IL17RD: variants seen among roughly 807,000 people sequenced by gnomAD.
IL17RD encodes the protein interleukin 17 receptor D, also known as interleukin-17 receptor D.
In IL17RD, 52 loss-of-function variants were observed where a neutral mutation model predicts 80.5. The observed-to-expected ratio is 0.65, with a 90% CI of 0.52 to 0.81. The LOEUF (loss-of-function observed/expected upper bound fraction) is 0.81, where lower values mean the gene tolerates loss of function less well. IL17RD is among the 40% of genes least tolerant of loss of function. IL17RD has a pLI of 0.00. For synonymous variants in IL17RD, 416 were observed against 391.8 expected (o/e 1.06, Z -0.73); for missense variants, 1,024 against 955.1 (o/e 1.07, Z -0.95).
chr3:57,096,736 G>A (rs934095462), intron 12 of IL17RD, among the ~76,000 whole-genome samples: 6 of 152,134 alleles, frequency 3.9e-5, no homozygotes, highest in Non-Finnish European at 8.8e-5. Flanking sequence ...TAGGCCGGGC[G>A]CAGTGGCTCA....
intron 11 of IL17RD, among the ~76,000 whole-genome samples, chr3:57,100,596 G>T (rs1706804428): frequency 6.6e-6 from 1 of 152,156 alleles, no homozygotes; most frequent in Non-Finnish European, 1.5e-5. Context: ...TCTCTGGCCA[G>T]TGCCGTCTCC....
In IL17RD at chr3:57,095,431, T is replaced by C. The variant is rs1444612111; in HGVS notation, c.*962A>G. On this transcript the variant is annotated 3_prime_UTR_variant, in exon 13 of 13. Coordinates refer to ENST00000296318, the MANE Select transcript of IL17RD (RefSeq NM_017563.5). ...ACCAGTTCAGCAGATTAACTGGCCATCACCTCCACACACTGCTGTATTTCA... is the reference window on the plus strand; with the variant it reads ...ACCAGTTCAGCAGATTAACTGGCCACCACCTCCACACACTGCTGTATTTCA... The C allele has an allele frequency of 6.6e-6, 1 of 152,232 alleles. No individual in the cohort carries two copies. The highest frequency in any genetic ancestry group is 2.4e-5 in the African/African-American group (1 of 41,452). The allele number at this position is 152,232 out of a possible 1,614,324, so 9.4% of individuals were successfully genotyped here.
Position 57,112,847 on chromosome 3 carries a change from C to T in IL17RD, c.310+1845G>A, listed in dbSNP as rs529560461. Among the ~76,000 whole-genome samples the T allele has an allele frequency of 7.2e-5, 11 of 152,326 alleles. No individual in the cohort carries two copies. In the South Asian group the frequency reaches 2.3e-3, roughly 32 times the overall value. ...TACTTCTCCCTTGGCCAGGTTTTCA[C>T]AAACTTGTAACATCAGGTGGCAGTG... On this transcript the variant is annotated intron_variant, in intron 3 of 12. Coordinates refer to ENST00000296318, the MANE Select transcript of IL17RD (RefSeq NM_017563.5).
chr3:57,118,442 A>C (rs1707264130), intron 2 of IL17RD, among the ~76,000 whole-genome samples: 2 of 152,228 alleles, frequency 1.3e-5, no homozygotes, highest in Admixed American at 6.5e-5. Context: ...CCTCAATGCA[A>C]CCTAAGCCCT....
intron 7 of IL17RD, among the ~76,000 whole-genome samples, chr3:57,105,262 G>A (rs994225125): frequency 6.6e-6 from 1 of 152,068 alleles, no homozygotes; most frequent in African/African-American, 2.4e-5. Context: ...GACAGGCCAG[G>A]TGTGGTGGCT....
At chr3:57,127,828 T>C (rs1707527440) in intron 1 of IL17RD, among the ~76,000 whole-genome samples, 2 of 152,138 alleles carry the variant, frequency 1.3e-5, no homozygotes, top group African/African-American at 2.4e-5. Context: ...CCAATGGACA[T>C]GAGAAGGGTG....
chr3:57,167,964 G>A (rs2060355102), upstream of IL17RD, among the ~76,000 whole-genome samples: 2 of 152,218 alleles, frequency 1.3e-5, no homozygotes. Flanking sequence ...CCGAGTAGCT[G>A]GGATTACAGG....
intron 1 of IL17RD, among the ~76,000 whole-genome samples, chr3:57,147,775 C>T (rs1707962546): frequency 6.8e-6 from 1 of 147,166 alleles, no homozygotes; most frequent in South Asian, 2.1e-4. Flanking sequence ...GGAAAACAAA[C>T]ATAAGTAAAA....
rs953877050 is a variant in IL17RD, at chr3:57,114,552, A to G, written c.310+140T>C. 2.3e-5 allele frequency: 16 copies of G among 692,544 alleles called. 1 individual carries two copies. The highest frequency in any genetic ancestry group is 3.4e-5 in the Non-Finnish European group (15 of 446,012). The allele number at this position is 692,544 out of a possible 1,614,324, so 42.9% of individuals were successfully genotyped here. On this transcript the variant is annotated intron_variant, in intron 3 of 12. Coordinates refer to ENST00000296318, the MANE Select transcript of IL17RD (RefSeq NM_017563.5). ...TGTACGCCCAGCAAATATATGCAACAAAGTGTATCTGTGCCCAATCCAACA... is the reference window on the plus strand; with the variant it reads ...TGTACGCCCAGCAAATATATGCAACGAAGTGTATCTGTGCCCAATCCAACA...
In IL17RD at chr3:57,105,552, A is replaced by AAAT; in HGVS notation, c.747+304_747+305insATT. Among the ~76,000 whole-genome samples, 258 of 63,570 alleles carry AAAT rather than the reference A, an allele frequency of 4.1e-3. 9 individuals are homozygous for AAAT. Among genetic ancestry groups the AAAT allele is most frequent in the South Asian group, 0.015 (24 of 1,626 alleles). The allele number at this position is 63,570 out of a possible 152,430, so 41.7% of individuals were successfully genotyped here. A position where few individuals can be genotyped will look rare whatever the true frequency, so the allele number is the denominator to read the frequency against. Reference sequence around the variant, plus strand: ...ACTCCATCTCAAAAAAAAAAAAAAAAATATATATATATATATATTTGTTCA... The same window carrying AAAT: ...ACTCCATCTCAAAAAAAAAAAAAAAAAATATATATATATATATATATTTGTTCA... On this transcript the variant is annotated intron_variant, in intron 7 of 12. Coordinates refer to ENST00000296318, the MANE Select transcript of IL17RD (RefSeq NM_017563.5).
chr3:57,097,717 T>C lies in IL17RD; in HGVS notation c.1986A>G (p.Ser662=). The C allele has an allele frequency of 6.2e-7, 1 of 1,603,652 alleles. No homozygotes were observed. The highest frequency in any genetic ancestry group is 8.5e-7 in the Non-Finnish European group (1 of 1,174,328). The change falls in exon 12 of 13, where the codon TCA becomes TCG. Residue 662 remains serine, a synonymous_variant. Transcript: ENST00000296318. ...AGGGCACAGACGAGTCATAGATGCC[T>C]GAGTCCCGCGGCATGTCCGAGGGGC... ...AGSPSDMPRD[S]GIYDSSVPSS... is the part of the protein sequence containing the mutation.
intron 7 of IL17RD, among the ~76,000 whole-genome samples, chr3:57,105,536 C>CAA (rs745910085): frequency 0.15 from 5,388 of 35,580 alleles, 1,028 homozygotes; most frequent in South Asian, 0.37. Flanking sequence ...GACTCCATCT[C>CAA]AAAAAAAAAA....
intron 1 of IL17RD, among the ~76,000 whole-genome samples, chr3:57,144,283 T>C (rs1342863476): frequency 1.3e-5 from 2 of 152,216 alleles, no homozygotes; most frequent in Non-Finnish European, 1.5e-5. Context: ...GTTGCCCTTT[T>C]GGTCTCTGAA....
intron 5 of IL17RD, 106 bp downstream of exon 5, chr3:57,109,431 C>G (rs575394269): frequency 3.8e-5 from 48 of 1,271,208 alleles, no homozygotes; most frequent in Admixed American, 3.2e-4. Flanking sequence ...AGGTGTGAGC[C>G]ACCGCGCCCG....
intron 12 of IL17RD, among the ~76,000 whole-genome samples, chr3:57,097,049 C>G (rs1355634452): frequency 4.0e-5 from 6 of 150,726 alleles, no homozygotes; most frequent in Non-Finnish European, 8.9e-5. Flanking sequence ...ATGACTCCAA[C>G]TAGTTACAGA....
At chr3:57,123,823 C>G (rs1417505960) in intron 1 of IL17RD, among the ~76,000 whole-genome samples, 3 of 152,144 alleles carry the variant, frequency 2.0e-5, no homozygotes, top group African/African-American at 7.2e-5. Context: ...GCAGGTGGAT[C>G]ACCTGAAGTC....
rs1559477339 is a variant in IL17RD at position 57,127,379 on chromosome 3, A to ATATATATAAATATATAAATAAAT, written c.127-7067_127-7066insATTTATTTATATATTTATATATA. On this transcript the variant is annotated intron_variant, in intron 1 of 12. Coordinates refer to ENST00000296318, the MANE Select transcript of IL17RD (RefSeq NM_017563.5). ...ATATAAATATAAATATATATATATAAATAAATAAATAAATAAATATATATA... is the reference window on the plus strand; with the variant it reads ...ATATAAATATAAATATATATATATAATATATATAAATATATAAATAAATATAAATAAATAAATAAATATATATA... Among the ~76,000 whole-genome samples the ATATATATAAATATATAAATAAAT allele has an allele frequency of 5.5e-4, 45 of 82,242 alleles. 8 individuals are homozygous for ATATATATAAATATATAAATAAAT. The highest frequency in any genetic ancestry group is 2.3e-3 in the African/African-American group (44 of 19,552). The allele number at this position is 82,242 out of a possible 152,430, so 54.0% of individuals were successfully genotyped here.
chr3:57,120,209 G>C (rs921441958), intron 2 of IL17RD, 47 bp downstream of exon 2: 11 of 1,425,158 alleles, frequency 7.7e-6, no homozygotes, highest in Non-Finnish European at 1.1e-5. Context: ...GTAATCTCTA[G>C]ATGACTCAAA....
At chr3:57,167,205 T>C (rs985518345), upstream of IL17RD, among the ~76,000 whole-genome samples, 1 of 152,148 alleles carries the variant, frequency 6.6e-6, no homozygotes, top group Non-Finnish European at 1.5e-5. Flanking sequence ...AGAATTTTTT[T>C]TTTTTTTACC....
Sources: allele counts gnomAD v4.1 joint callset (sites outside exome capture counted in the v4.1 genomes callset), GRCh38; gene constraint gnomAD v4.1.1; transcripts MANE v1.5; gene names NCBI Gene and HGNC (gene_info 2026-07-23, HGNC 2026-07-21).